The following LDLRAD4 variants were observed in gnomAD, a reference collection of about 807,000 sequenced individuals.
LDLRAD4 encodes the protein low density lipoprotein receptor class A domain containing 4, also known as low-density lipoprotein receptor class A domain-containing protein 4.
In LDLRAD4, 5 loss-of-function variants were observed where a neutral mutation model predicts 17.0. The observed-to-expected ratio is 0.29, with a 90% CI of 0.15 to 0.62. The LOEUF (loss-of-function observed/expected upper bound fraction) is 0.62, where lower values mean the gene tolerates loss of function less well. Among genes scored for constraint, LDLRAD4 ranks in the 20% least tolerant of loss-of-function variants. LDLRAD4 has a pLI of 0.84. For synonymous variants in LDLRAD4, 168 were observed against 171.8 expected (o/e 0.98, Z 0.17); for missense variants, 340 against 424.7 (o/e 0.80, Z 1.75).
At chr18:13,630,306 T>C (rs2041553737) in intron 4 of LDLRAD4, among the ~76,000 whole-genome samples, 1 of 152,120 alleles carries the variant, frequency 6.6e-6, no homozygotes, top group Non-Finnish European at 1.5e-5. Context: ...GGAGGTGCAG[T>C]CTCTGACAGC....
exon 6 of LDLRAD4, chr18:13,651,860 C>T (rs1161277890): frequency 6.6e-6 from 1 of 152,194 alleles, no homozygotes; most frequent in Non-Finnish European, 1.5e-5. Flanking sequence ...ATTCTATAAT[C>T]ATACCCCTAA....
At position 13,224,627 on chromosome 18, in the gene LDLRAD4, G is replaced by C. The variant is rs563732110; in HGVS notation, c.-467+5639G>C. On this transcript the variant is annotated intron_variant, in intron 1 of 5. Transcript: ENST00000399848. The stretch of plus-strand genomic sequence containing the variant: ...CCCGAGTAGCTGGGATTACAGGCAC[G>C]TGCCACCACGCCCGGCTAATTTTTT... Among the ~76,000 whole-genome samples the C allele has an allele frequency of 1.5e-4, 22 of 151,586 alleles. No individual in the cohort carries two copies. The East Asian group carries it at 2.3e-3, about 16-fold the overall frequency.
At chr18:13,284,032 C>T (rs34381968) in intron 1 of LDLRAD4, among the ~76,000 whole-genome samples, 14,055 of 152,206 alleles carry the variant, frequency 0.092, 706 homozygotes, top group Non-Finnish European at 0.11. Context: ...TTACCTTCCG[C>T]TGGGTCCCTC....
At chr18:13,243,493 C>T (rs948145494) in intron 1 of LDLRAD4, among the ~76,000 whole-genome samples, 1 of 151,244 alleles carries the variant, frequency 6.6e-6, no homozygotes, top group Admixed American at 6.6e-5. Context: ...CACCTACCCA[C>T]CCGTTCCTCT....
intron 1 of LDLRAD4, among the ~76,000 whole-genome samples, chr18:13,355,254 G>T (rs1309335613): frequency 6.6e-6 from 1 of 152,216 alleles, no homozygotes; most frequent in African/African-American, 2.4e-5. Flanking sequence ...CACCCTGACA[G>T]TGCTTATAAC....
At chr18:13,326,220 G>C (rs528324192) in intron 1 of LDLRAD4, among the ~76,000 whole-genome samples, 55 of 152,266 alleles carry the variant, frequency 3.6e-4, no homozygotes, top group African/African-American at 1.2e-3. Flanking sequence ...TTCTAAAGAG[G>C]TTTTCAGGAG....
chr18:13,616,492 C>T (rs73954878), intron 3 of LDLRAD4, among the ~76,000 whole-genome samples: 6,682 of 152,218 alleles, frequency 0.044, 459 homozygotes, highest in African/African-American at 0.15. Context: ...GACTTAAAGA[C>T]GAGAAGGAGG....
chr18:13,544,161 A>T (rs2094325914), intron 3 of LDLRAD4, among the ~76,000 whole-genome samples: 1 of 152,198 alleles, frequency 6.6e-6, no homozygotes. Flanking sequence ...TTCAGAAATG[A>T]GATTGGGAAA....
At chr18:13,284,007 G>T (rs1429957119) in intron 1 of LDLRAD4, among the ~76,000 whole-genome samples, 1 of 152,158 alleles carries the variant, frequency 6.6e-6, no homozygotes, top group Non-Finnish European at 1.5e-5. Flanking sequence ...CACAGGAAAG[G>T]CCCTCATAAT....
intron 3 of LDLRAD4, among the ~76,000 whole-genome samples, chr18:13,544,523 A>T (rs1601254852): frequency 6.6e-6 from 1 of 152,348 alleles, no homozygotes; most frequent in South Asian, 2.1e-4. Context: ...TCGGCCCAGG[A>T]CTGGCTCACC....
chr18:13,239,313 C>T (rs1414834337), intron 1 of LDLRAD4, among the ~76,000 whole-genome samples: 1 of 152,054 alleles, frequency 6.6e-6, no homozygotes, highest in African/African-American at 2.4e-5. Flanking sequence ...TGCAGCTAAT[C>T]CAGTGAGATT....
chr18:13,444,150 G>T (rs1163382891), intron 3 of LDLRAD4, among the ~76,000 whole-genome samples: 1 of 152,198 alleles, frequency 6.6e-6, no homozygotes, highest in African/African-American at 2.4e-5. Flanking sequence ...CTGTCACTCT[G>T]CACAGGTGAC....
exon 6 of LDLRAD4, chr18:13,647,126 C>CAA (rs1283137740): frequency 6.6e-6 from 1 of 150,852 alleles, no homozygotes; most frequent in African/African-American, 2.4e-5. Context: ...ACTGGACAGT[C>CAA]AGAGAACAGT....
At chr18:13,635,954 T>G (rs2042043101) in intron 4 of LDLRAD4, among the ~76,000 whole-genome samples, 1 of 151,838 alleles carries the variant, frequency 6.6e-6, no homozygotes, top group Non-Finnish European at 1.5e-5. Flanking sequence ...TGTGTGTGTG[T>G]GTGTGTGTGT....
chr18:13,461,367 A>T (rs2092421222), intron 3 of LDLRAD4: 1 of 152,278 alleles, frequency 6.6e-6, no homozygotes, highest in Admixed American at 6.5e-5. Flanking sequence ...GGGGATGGGG[A>T]CACGTACCTG....
chr18:13,547,141 A>G (rs935801981), intron 3 of LDLRAD4, among the ~76,000 whole-genome samples: 9 of 152,330 alleles, frequency 5.9e-5, no homozygotes, highest in Middle Eastern at 6.8e-3. Flanking sequence ...GCTTTCTGTT[A>G]CTGACTTTAT....
chr18:13,590,171 A>G lies in LDLRAD4; in HGVS notation c.182-30946A>G, dbSNP rs187509202. Among the ~76,000 whole-genome samples the G allele has an allele frequency of 6.8e-3, 1,017 of 150,456 alleles. 32 individuals are homozygous for G. The highest frequency in any genetic ancestry group is 0.06 in the Admixed American group (904 of 15,174). On this transcript the variant is annotated intron_variant, in intron 3 of 5. Transcript: ENST00000359446. ...TGGGTGTGGGTACGCATGTGCGTAT[A>G]TGGAGTACGGGGGAAGGAGATGTGG... is the stretch of plus-strand genomic sequence containing the variant.
intron 3 of LDLRAD4, among the ~76,000 whole-genome samples, chr18:13,573,198 G>A (rs576957570): frequency 1.3e-4 from 20 of 152,122 alleles, no homozygotes; most frequent in Non-Finnish European, 2.2e-4. Context: ...TCCGCCTCCC[G>A]GGTTGAAGCG....
At chr18:13,527,406 T>C (rs2094050111) in intron 3 of LDLRAD4, among the ~76,000 whole-genome samples, 1 of 152,230 alleles carries the variant, frequency 6.6e-6, no homozygotes, top group South Asian at 2.1e-4. Context: ...GCTGGCCTTC[T>C]GGAGACCGGG....
Sources: gnomAD v4.1 joint callset for allele counts (sites outside exome capture counted in the v4.1 genomes callset) on GRCh38, gnomAD v4.1.1 for gene constraint, MANE v1.5 for transcripts, NCBI Gene and HGNC (gene_info 2026-07-23, HGNC 2026-07-21) for gene names.